Variants in TXNDC9 observed in about 807,000 individuals in gnomAD.
TXNDC9 encodes the protein thioredoxin domain-containing protein 9.
A neutral mutation model predicts 23.0 loss-of-function variants in TXNDC9; 7 were observed. The observed-to-expected ratio is 0.30, with a 90% CI of 0.17 to 0.57. TXNDC9 has a LOEUF of 0.57. TXNDC9 is among the 20% of genes least tolerant of loss of function. TXNDC9 has a pLI of 0.90. For missense variants in TXNDC9, 198 were observed against 252.6 expected, an observed-to-expected ratio of 0.78 and a Z score of 1.47; for synonymous variants, 72 against 90.6, an observed-to-expected ratio of 0.79 and a Z score of 1.17.
At chr2:99,325,176 T>A (rs2094210447) in intron 3 of TXNDC9, among the ~76,000 whole-genome samples, 3 of 152,248 alleles carry the variant, frequency 2.0e-5, no homozygotes. Context: ...CTTGAGGTGA[T>A]GGATATTCCA....
downstream of TXNDC9, among the ~76,000 whole-genome samples, chr2:99,314,469 T>C (rs899810659): frequency 2.0e-5 from 3 of 151,646 alleles, no homozygotes; most frequent in Admixed American, 1.3e-4. Context: ...TTATACATAA[T>C]CTGGAGAGGT....
downstream of TXNDC9, among the ~76,000 whole-genome samples, chr2:99,314,528 C>A (rs1384477634): frequency 5.9e-5 from 3 of 51,128 alleles, no homozygotes; most frequent in South Asian, 6.1e-4. Flanking sequence ...AAATACTACA[C>A]CTTTTTTTTT....
At chr2:99,308,322 A>G in the TXNDC9 span, among the ~76,000 whole-genome samples, 2 of 152,182 alleles carry the variant, frequency 1.3e-5, no homozygotes, top group African/African-American at 4.8e-5. Context: ...ATCCAAATTC[A>G]GTGAATAGGT....
Position 99,319,607 on chromosome 2 carries a change from C to T in TXNDC9, c.*75G>A. ...AGTATTTAGGTGACCAATGTATAGA[C>T]ATTAATAGAATTTTAAAAACACATT... is the stretch of plus-strand genomic sequence containing the variant. On this transcript the variant is annotated 3_prime_UTR_variant, in exon 5 of 5. Coordinates refer to ENST00000264255, the MANE Select transcript of TXNDC9 (RefSeq NM_005783.4). The T allele has an allele frequency of 2.7e-6, 3 of 1,101,702 alleles. No individual in the cohort carries two copies. Among genetic ancestry groups the T allele is most frequent in the South Asian group, 1.4e-5 (1 of 72,948 alleles). The allele number at this position is 1,101,702 out of a possible 1,614,324, so 68.2% of individuals were successfully genotyped here. A position where few individuals can be genotyped will look rare whatever the true frequency, so the allele number is the denominator to read the frequency against.
the TXNDC9 span, among the ~76,000 whole-genome samples, chr2:99,306,389 T>A: frequency 4.6e-5 from 7 of 150,588 alleles, no homozygotes; most frequent in African/African-American, 1.7e-4. Context: ...ATAGCACAAG[T>A]TTCTGAGACA....
chr2:99,321,573 A>G (rs2105319687), intron 4 of TXNDC9: 1 of 158,686 alleles, frequency 6.3e-6, no homozygotes, highest in Middle Eastern at 3.1e-3. Context: ...TATTTTATCA[A>G]AGAGAATCAC....
the TXNDC9 span, among the ~76,000 whole-genome samples, chr2:99,309,147 T>C: frequency 2.0e-5 from 3 of 151,886 alleles, no homozygotes; most frequent in Non-Finnish European, 2.9e-5. Context: ...CTGAGGCAGG[T>C]GGATTGCTTG....
rs535150680 is a variant in TXNDC9, at chr2:99,319,385, A to G, written c.*297T>C. ...ATAGTTTTCGAATTTCTAACTCTGT[A>G]GATCTAAAACACAATTGTAAATGGT... On this transcript the variant is annotated 3_prime_UTR_variant, in exon 5 of 5. Transcript: ENST00000264255. 4.8e-6 allele frequency: 1 copy of G among 208,694 alleles called. No individual in the cohort carries two copies. Among genetic ancestry groups the G allele is most frequent in the South Asian group, 1.4e-4 (1 of 7,260 alleles). 12.9% of individuals were successfully genotyped at this position (208,694 alleles called of 1,614,324 possible). A position where few individuals can be genotyped will look rare whatever the true frequency, so the allele number is the denominator to read the frequency against.
the TXNDC9 span, among the ~76,000 whole-genome samples, chr2:99,312,255 G>T: frequency 4.6e-5 from 7 of 152,252 alleles, no homozygotes; most frequent in East Asian, 1.4e-3. Context: ...TGGCACTTTG[G>T]GAGGCTGAGG....
the TXNDC9 span, among the ~76,000 whole-genome samples, chr2:99,309,908 C>T: frequency 6.6e-6 from 1 of 152,022 alleles, no homozygotes; most frequent in South Asian, 2.1e-4. Flanking sequence ...CTGGTTTGAA[C>T]TCCTGACCTT....
At chr2:99,335,722 C>T (rs1016831393) in intron 1 of TXNDC9, among the ~76,000 whole-genome samples, 1 of 151,990 alleles carries the variant, frequency 6.6e-6, no homozygotes, top group Non-Finnish European at 1.5e-5. Flanking sequence ...TAGAATGAGC[C>T]CAGAATTTAA....
chr2:99,335,898 G>A (rs1165526029), intron 1 of TXNDC9, among the ~76,000 whole-genome samples: 2 of 152,210 alleles, frequency 1.3e-5, no homozygotes, highest in Admixed American at 6.5e-5. Flanking sequence ...TCCGCTGGAA[G>A]GGTGGGACGG....
At chr2:99,320,826 T>C (rs991743816) in intron 4 of TXNDC9, among the ~76,000 whole-genome samples, 3 of 152,102 alleles carry the variant, frequency 2.0e-5, no homozygotes, top group African/African-American at 7.2e-5. Context: ...ATAAAACAAA[T>C]ATAAAATGTT....
intron 1 of TXNDC9, 129 bp from the exon 2 acceptor site, chr2:99,333,371 ACTTGATGCTGGG>A: frequency 1.4e-6 from 1 of 693,922 alleles, no homozygotes; most frequent in South Asian, 2.4e-5. Flanking sequence ...ACATCCAAGC[ACTTGATGCTGGG>A]CTTAACAATT....
chr2:99,314,675 C>CTG (rs2094184549), downstream of TXNDC9, among the ~76,000 whole-genome samples: 1 of 151,098 alleles, frequency 6.6e-6, no homozygotes, highest in South Asian at 2.1e-4. Flanking sequence ...GTACTACAGG[C>CTG]GCATGCCACC....
intron 2 of TXNDC9, among the ~76,000 whole-genome samples, chr2:99,330,204 T>C (rs13018678): frequency 0.83 from 123,096 of 147,714 alleles, 51,766 homozygotes; most frequent in Middle Eastern, 0.98. Context: ...GCAGAAGAAT[T>C]GCTTGATCCT....
chr2:99,307,696 G>C, the TXNDC9 span, among the ~76,000 whole-genome samples: 1 of 127,960 alleles, frequency 7.8e-6, no homozygotes, highest in Non-Finnish European at 1.6e-5. Context: ...TCAAAATTTA[G>C]ATATCTTTTA....
intron 3 of TXNDC9, chr2:99,322,503 A>G: frequency 6.9e-7 from 1 of 1,452,474 alleles, no homozygotes; most frequent in South Asian, 1.5e-5. Flanking sequence ...CCTATCTCCT[A>G]CACAGGAAAC....
At chr2:99,313,169 AC>A in the TXNDC9 span, among the ~76,000 whole-genome samples, 39 of 152,150 alleles carry the variant, frequency 2.6e-4, no homozygotes, top group African/African-American at 9.2e-4. Flanking sequence ...TCTCAAAAAA[AC>A]AAACAAAAAC....
Sources: allele counts gnomAD v4.1 joint callset (sites outside exome capture counted in the v4.1 genomes callset), GRCh38; gene constraint gnomAD v4.1.1; transcripts MANE v1.5; gene names NCBI Gene and HGNC (gene_info 2026-07-23, HGNC 2026-07-21).